ENOX2: variants seen among roughly 807,000 people sequenced by gnomAD.
ENOX2 encodes ecto-NOX disulfide-thiol exchanger 2, also known as APK1 antigen.
ENOX2 carries 36 observed loss-of-function variants against 45.0 expected under a neutral mutation model. The observed-to-expected ratio is 0.80, with a 90% CI of 0.61 to 1.06. The LOEUF is 1.06. Among genes scored for constraint, ENOX2 ranks in the 50% least tolerant of loss-of-function variants. The pLI, the probability that ENOX2 is intolerant of heterozygous loss-of-function variation, is 0.00. For missense variants in ENOX2, 423 were observed against 462.5 expected, an observed-to-expected ratio of 0.91 and a Z score of 0.78; for synonymous variants, 174 against 152.3, an observed-to-expected ratio of 1.14 and a Z score of -1.05.
chrX:130,784,133 G>A (rs779790674), intron 2 of ENOX2, among the ~76,000 whole-genome samples: 56 of 111,576 alleles, frequency 5.0e-4, no homozygotes, highest in African/African-American at 1.7e-3. Flanking sequence ...ACTTCCAATA[G>A]TAATATAGGG....
intron 3 of ENOX2, among the ~76,000 whole-genome samples, chrX:130,756,554 A>G (rs1052340780): frequency 1.8e-5 from 2 of 111,851 alleles, no homozygotes; most frequent in African/African-American, 6.5e-5. Flanking sequence ...TTTGATATTC[A>G]CTGTGGCTAA....
At position 130,670,019 on chromosome X, in the gene ENOX2, G is replaced by A; in HGVS notation, c.640C>T (p.Pro214Ser). 3 of 1,211,175 alleles carry A rather than the reference G, an allele frequency of 2.5e-6. No individual in the cohort carries two copies. Among genetic ancestry groups the A allele is most frequent in the Non-Finnish European group, 3.4e-6 (3 of 894,826 alleles). ...EERLRPPSPP[P>S]VVHYSDHECS... is the part of the protein sequence containing the mutation. Reference sequence around the variant, plus strand: ...TCATGATCTGAATAGTGGACCACTGGGGGTGGAGATGGTGGACGCAATCTT... The same window carrying A: ...TCATGATCTGAATAGTGGACCACTGAGGGTGGAGATGGTGGACGCAATCTT... The change falls in exon 7 of 15, where the codon CCA becomes TCA. Residue 214 changes from proline (P) to serine (S), a missense_variant. Coordinates refer to ENST00000394363, the MANE Select transcript of ENOX2 (RefSeq NM_006375.4).
chrX:130,776,930 T>A (rs752620911), intron 3 of ENOX2, among the ~76,000 whole-genome samples: 1 of 111,962 alleles, frequency 8.9e-6, no homozygotes, highest in South Asian at 3.8e-4. Context: ...ACAAAGTGCC[T>A]TCCCCTGTGC....
At chrX:130,822,549 T>C (rs1054462635) in intron 2 of ENOX2, among the ~76,000 whole-genome samples, 1 of 110,466 alleles carries the variant, frequency 9.1e-6, no homozygotes, top group Non-Finnish European at 1.9e-5. Flanking sequence ...ACACCGCATG[T>C]TCTCACTCCT....
intron 2 of ENOX2, among the ~76,000 whole-genome samples, chrX:130,827,099 CT>C: frequency 8.9e-6 from 1 of 112,391 alleles, no homozygotes; most frequent in East Asian, 2.8e-4. Flanking sequence ...GAGAACTTGA[CT>C]TTTATGAGTT....
At chrX:130,772,589 T>TCA (rs1332470489) in intron 3 of ENOX2, among the ~76,000 whole-genome samples, 2 of 111,981 alleles carry the variant, frequency 1.8e-5, no homozygotes, top group Non-Finnish European at 3.8e-5. Context: ...CTGTGGTTTG[T>TCA]CACACAAGCC....
chrX:130,709,789 T>C (rs180993297), intron 3 of ENOX2, among the ~76,000 whole-genome samples: 269 of 110,143 alleles, frequency 2.4e-3, no homozygotes, highest in Non-Finnish European at 3.9e-3. Context: ...TTTAATACTT[T>C]AAGTTCTGGG....
chrX:130,633,759 G>A (rs1482295122), intron 12 of ENOX2, among the ~76,000 whole-genome samples: 2 of 112,415 alleles, frequency 1.8e-5, no homozygotes. Flanking sequence ...ACAGTCTTCT[G>A]GATACATAAT....
Position 130,675,253 on chromosome X carries a change from A to G in ENOX2, c.460+4289T>C, listed in dbSNP as rs898505229. On this transcript the variant is annotated intron_variant, in intron 6 of 14. Coordinates refer to ENST00000394363, the MANE Select transcript of ENOX2 (RefSeq NM_006375.4). ...CCACCAACAGTGTAAAAGTGTTCCT[A>G]TTTCTCCACATCCTCTCCAGCACCT... 9.9e-5 allele frequency among the ~76,000 whole-genome samples: 11 copies of G among 111,312 alleles called. 1 individual carries two copies. The highest frequency in any genetic ancestry group is 1.9e-4 in the Non-Finnish European group (10 of 52,979).
rs1227875789 is a variant in ENOX2 at position 130,722,082 on chromosome X, A to G, written c.-38-18828T>C. Among the ~76,000 whole-genome samples the G allele has an allele frequency of 3.6e-5, 4 of 111,853 alleles. No individual in the cohort carries two copies. In the East Asian group the frequency reaches 1.1e-3, roughly 31 times the overall value. On this transcript the variant is annotated intron_variant, in intron 3 of 14. Transcript: ENST00000394363. ...ACTTGTAGAACTTGAACTGATAAGT[A>G]TATCAGACACATACATCAGGAGCGC...
intron 2 of ENOX2, among the ~76,000 whole-genome samples, chrX:130,835,604 A>G (rs981859580): frequency 3.6e-5 from 4 of 111,570 alleles, no homozygotes; most frequent in African/African-American, 1.3e-4. Context: ...AAAGCAGCAT[A>G]ACATATTAGA....
At chrX:130,853,186 G>A (rs1169568428) in intron 2 of ENOX2, among the ~76,000 whole-genome samples, 1 of 110,120 alleles carries the variant, frequency 9.1e-6, no homozygotes, top group Non-Finnish European at 1.9e-5. Context: ...CCTCAAGAAA[G>A]CCAGCTTTTG....
chrX:130,694,535 C>T, intron 4 of ENOX2, among the ~76,000 whole-genome samples: 1 of 110,248 alleles, frequency 9.1e-6, no homozygotes, highest in Non-Finnish European at 1.9e-5. Context: ...AGACATCACA[C>T]GTGCCTATTT....
At chrX:130,684,927 G>A (rs1459962938) in intron 5 of ENOX2, among the ~76,000 whole-genome samples, 2 of 111,112 alleles carry the variant, frequency 1.8e-5, no homozygotes, top group Non-Finnish European at 3.8e-5. Flanking sequence ...TCACACCACT[G>A]CACTCTGGCC....
chrX:130,706,898 T>G (rs968301030), intron 3 of ENOX2, among the ~76,000 whole-genome samples: 1 of 112,261 alleles, frequency 8.9e-6, no homozygotes, highest in Non-Finnish European at 1.9e-5. Flanking sequence ...GCTATGATCT[T>G]TTTCCCATAT....
At chrX:130,625,542 T>C (rs997644227) in intron 14 of ENOX2, 97 bp from the exon 15 acceptor site, 4 of 946,468 alleles carry the variant, frequency 4.2e-6, no homozygotes, top group Middle Eastern at 8.1e-4. Flanking sequence ...TGTGTCTGTG[T>C]GTGTGCTGCA....
intron 3 of ENOX2, among the ~76,000 whole-genome samples, chrX:130,719,572 C>CGTCTGA (rs2038421366): frequency 2.7e-5 from 3 of 111,820 alleles, no homozygotes; most frequent in Non-Finnish European, 5.6e-5. Context: ...CTGGAACAAG[C>CGTCTGA]AGGCAAACCC....
At chrX:130,807,465 C>G (rs2077323176) in intron 2 of ENOX2, among the ~76,000 whole-genome samples, 1 of 111,521 alleles carries the variant, frequency 9.0e-6, no homozygotes, top group Non-Finnish European at 1.9e-5. Flanking sequence ...TTGGCAGTCA[C>G]CTAGTCTAAC....
chrX:130,737,008 CTTAG>C (rs576429944), intron 3 of ENOX2, among the ~76,000 whole-genome samples: 115 of 112,092 alleles, frequency 1.0e-3, no homozygotes, highest in South Asian at 2.2e-3. Flanking sequence ...ACTGAGTGAC[CTTAG>C]TTAGAACCAG....
Sources: allele counts gnomAD v4.1 joint callset (sites outside exome capture counted in the v4.1 genomes callset), GRCh38; gene constraint gnomAD v4.1.1; transcripts MANE v1.5; gene names NCBI Gene and HGNC (gene_info 2026-07-23, HGNC 2026-07-21).